Variants in ZNF804A observed in about 807,000 individuals in gnomAD.
ZNF804A encodes zinc finger protein 804A.
A neutral mutation model predicts 16.5 loss-of-function variants in ZNF804A; 2 were observed. The observed-to-expected ratio is 0.12, with a 90% CI of 0.05 to 0.38. The LOEUF (loss-of-function observed/expected upper bound fraction) is 0.38, where lower values mean the gene tolerates loss of function less well. ZNF804A is among the 10% of genes least tolerant of loss of function. The pLI is 0.99. For missense variants in ZNF804A, 1,473 were observed against 1,390.7 expected (o/e 1.06, Z -0.94); for synonymous variants, 534 against 489.6 (o/e 1.09, Z -1.20).
At chr2:184,721,304 A>G (rs561146953) in intron 1 of ZNF804A, among the ~76,000 whole-genome samples, 1 of 152,242 alleles carries the variant, frequency 6.6e-6, no homozygotes, top group Admixed American at 6.5e-5. Context: ...ACAGAGTGAA[A>G]AGACAACCTG....
chr2:184,668,203 G>T (rs1047412510), intron 1 of ZNF804A, among the ~76,000 whole-genome samples: 2 of 151,780 alleles, frequency 1.3e-5, no homozygotes, highest in African/African-American at 4.8e-5. Context: ...CATACAATGT[G>T]ATGTTTTGAT....
chr2:184,696,722 CTTAG>C (rs1692836892), intron 1 of ZNF804A, among the ~76,000 whole-genome samples: 1 of 151,946 alleles, frequency 6.6e-6, no homozygotes. Flanking sequence ...AAATACCACC[CTTAG>C]TTAATCACTC....
In ZNF804A at chr2:184,862,227, A is replaced by C. The variant is rs1444456393; in HGVS notation, c.112-4142A>C. 2.0e-5 allele frequency among the ~76,000 whole-genome samples: 3 copies of C among 152,208 alleles called. No homozygotes were observed. The East Asian group carries it at 5.8e-4, about 29-fold the overall frequency. On this transcript the variant is annotated intron_variant, in intron 1 of 3. Transcript: ENST00000302277. ...TATTTAATATGTGCTTTAAAGTATC[A>C]GTCAGTACCTGTTTCAATATTAGCC...
At chr2:184,674,056 C>A (rs2105714374) in intron 1 of ZNF804A, among the ~76,000 whole-genome samples, 1 of 152,124 alleles carries the variant, frequency 6.6e-6, no homozygotes, top group East Asian at 1.9e-4. Flanking sequence ...TGCAGAGACA[C>A]ATTTAAAATT....
intron 1 of ZNF804A, among the ~76,000 whole-genome samples, chr2:184,783,319 A>G (rs1295530554): frequency 1.3e-5 from 2 of 151,538 alleles, no homozygotes; most frequent in Non-Finnish European, 3.0e-5. Context: ...AGAAGCTTCC[A>G]AGTTTTTATT....
intron 1 of ZNF804A, among the ~76,000 whole-genome samples, chr2:184,755,378 TC>T: frequency 6.6e-6 from 1 of 151,934 alleles, no homozygotes; most frequent in Admixed American, 6.6e-5. Flanking sequence ...TCTCAATAGT[TC>T]ACATGGGGTG....
chr2:184,606,805 T>C (rs1317081129), intron 1 of ZNF804A, among the ~76,000 whole-genome samples: 1 of 151,072 alleles, frequency 6.6e-6, no homozygotes, highest in Non-Finnish European at 1.5e-5. Flanking sequence ...ACTGAGTCAG[T>C]TTGTTAAAAT....
intron 2 of ZNF804A, among the ~76,000 whole-genome samples, chr2:184,900,567 T>G (rs1574262958): frequency 6.6e-6 from 1 of 152,224 alleles, no homozygotes; most frequent in Non-Finnish European, 1.5e-5. Context: ...TGCTTGCTAT[T>G]TTCTCATGTC....
At chr2:184,753,805 TA>T (rs1394140896) in intron 1 of ZNF804A, among the ~76,000 whole-genome samples, 8 of 151,876 alleles carry the variant, frequency 5.3e-5, no homozygotes, top group South Asian at 2.1e-4. Flanking sequence ...AATAGGTTTA[TA>T]AGCTAACATG....
intron 2 of ZNF804A, among the ~76,000 whole-genome samples, chr2:184,928,061 TCCA>T (rs1193220746): frequency 1.3e-5 from 2 of 151,864 alleles, no homozygotes; most frequent in African/African-American, 2.4e-5. Flanking sequence ...TCTCCCCATA[TCCA>T]CCACAACTGG....
intron 1 of ZNF804A, among the ~76,000 whole-genome samples, chr2:184,629,137 T>C (rs1691559932): frequency 6.6e-6 from 1 of 152,190 alleles, no homozygotes; most frequent in Non-Finnish European, 1.5e-5. Flanking sequence ...TTCTTATTGA[T>C]TCACGGGCAT....
At chr2:184,807,180 T>C (rs1694821212) in intron 1 of ZNF804A, among the ~76,000 whole-genome samples, 1 of 151,886 alleles carries the variant, frequency 6.6e-6, no homozygotes, top group African/African-American at 2.4e-5. Context: ...ATCATATTAC[T>C]ATTCCTGTCC....
chr2:184,761,937 A>G (rs1323408929), intron 1 of ZNF804A, among the ~76,000 whole-genome samples: 5 of 152,114 alleles, frequency 3.3e-5, no homozygotes, highest in Non-Finnish European at 5.9e-5. Flanking sequence ...TTTTGATACC[A>G]TCTTCTGAAG....
intron 2 of ZNF804A, among the ~76,000 whole-genome samples, chr2:184,871,408 A>G (rs1695971970): frequency 7.1e-6 from 1 of 139,986 alleles, no homozygotes; most frequent in Non-Finnish European, 1.5e-5. Flanking sequence ...CATAGAAATT[A>G]CTCCAGCAAA....
In ZNF804A at chr2:184,937,831, G is replaced by C; in HGVS notation, c.2435G>C (p.Arg812Pro). ...GCTCCCTGCAAGCCTAAAAAGAAAC[G>C]GAGGCGAAAAAGAGGCAGATTCCAC... is the stretch of plus-strand genomic sequence containing the variant. ...SVAPCKPKKK[R>P]RRKRGRFHPG... The change falls in exon 4 of 4, where the codon CGG becomes CCG. Residue 812 changes from arginine to proline, a missense_variant. By Grantham distance (103) the Arg-to-Pro change is moderately radical. Coordinates refer to ENST00000302277, the MANE Select transcript of ZNF804A (RefSeq NM_194250.2). 6.2e-7 allele frequency: 1 copy of C among 1,614,060 alleles called. No homozygotes were observed. The highest frequency in any genetic ancestry group is 1.3e-5 in the African/African-American group (1 of 75,030).
chr2:184,649,610 A>G (rs561151295), intron 1 of ZNF804A, among the ~76,000 whole-genome samples: 1 of 152,152 alleles, frequency 6.6e-6, no homozygotes, highest in East Asian at 1.9e-4. Context: ...TCCTCCAGAA[A>G]TACAAAAGAT....
At chr2:184,693,694 T>C (rs72899997) in intron 1 of ZNF804A, among the ~76,000 whole-genome samples, 4,106 of 152,292 alleles carry the variant, frequency 0.027, 94 homozygotes, top group Non-Finnish European at 0.045. Context: ...GCCTATGCAT[T>C]ATTTTTTTCT....
chr2:184,703,922 A>G (rs1004253687), intron 1 of ZNF804A, among the ~76,000 whole-genome samples: 117 of 152,170 alleles, frequency 7.7e-4, no homozygotes, highest in African/African-American at 2.7e-3. Context: ...GTTCAACATG[A>G]TAAATCTCAT....
intron 2 of ZNF804A, among the ~76,000 whole-genome samples, chr2:184,916,580 T>C (rs1685453585): frequency 6.6e-6 from 1 of 152,204 alleles, no homozygotes; most frequent in South Asian, 2.1e-4. Context: ...CCTGGCACGG[T>C]GGCTGACGCC....
Sources: gnomAD v4.1 joint callset for allele counts (sites outside exome capture counted in the v4.1 genomes callset) on GRCh38, gnomAD v4.1.1 for gene constraint, MANE v1.5 for transcripts, NCBI Gene and HGNC (gene_info 2026-07-23, HGNC 2026-07-21) for gene names.